Variants in NCOA7 observed in about 807,000 individuals in gnomAD.
The protein encoded by NCOA7 is 140 kDa estrogen receptor-associated protein.
In NCOA7, 45 loss-of-function variants were observed where a neutral mutation model predicts 104.3. That is an observed-to-expected ratio of 0.43 (90% confidence interval 0.34 to 0.55). The LOEUF (loss-of-function observed/expected upper bound fraction) is 0.55, where lower values mean the gene tolerates loss of function less well. NCOA7 is among the 20% of genes least tolerant of loss of function. The pLI, the probability that NCOA7 is intolerant of heterozygous loss-of-function variation, is 0.02. For missense variants in NCOA7, 1,041 were observed against 1,119.7 expected, an observed-to-expected ratio of 0.93 and a Z score of 1.00; for synonymous variants, 398 against 402.3, an observed-to-expected ratio of 0.99 and a Z score of 0.13.
intron 13 of NCOA7, among the ~76,000 whole-genome samples, chr6:125,925,834 A>G (rs934726915): frequency 6.6e-6 from 1 of 152,188 alleles, no homozygotes; most frequent in African/African-American, 2.4e-5. Flanking sequence ...ACATTTTTAT[A>G]TGGTATAGGC....
chr6:125,801,670 G>A (rs1775898975), intron 1 of NCOA7, among the ~76,000 whole-genome samples: 1 of 152,138 alleles, frequency 6.6e-6, no homozygotes, highest in Admixed American at 6.5e-5. Context: ...CTGTTGGTTT[G>A]CTGGACCTTG....
At chr6:125,892,369 CT>C (rs2128661605) in intron 10 of NCOA7, among the ~76,000 whole-genome samples, 1 of 152,232 alleles carries the variant, frequency 6.6e-6, no homozygotes, top group South Asian at 2.1e-4. Context: ...TAGTACTTCT[CT>C]TTCACTTCTT....
At chr6:125,906,291 A>T (rs1004568552) in intron 10 of NCOA7, among the ~76,000 whole-genome samples, 7 of 152,182 alleles carry the variant, frequency 4.6e-5, no homozygotes, top group African/African-American at 1.7e-4. Flanking sequence ...GAACAGTACA[A>T]TAGAGAATCT....
In NCOA7 at chr6:125,882,563, T is replaced by C. The variant is rs955085838; in HGVS notation, c.699+12T>C. 3.7e-6 allele frequency: 6 copies of C among 1,607,122 alleles called. No homozygotes were observed. The highest frequency in any genetic ancestry group is 5.1e-6 in the Non-Finnish European group (6 of 1,176,984). On this transcript the variant is annotated intron_variant, in intron 7 of 15. Transcript: ENST00000392477. ...TCACCGATGGAAAGGTATATAGCAATGTAATTTGTTTCCTTTCCTTGAAAT... is the reference window on the plus strand; with the variant it reads ...TCACCGATGGAAAGGTATATAGCAACGTAATTTGTTTCCTTTCCTTGAAAT...
intron 1 of NCOA7, among the ~76,000 whole-genome samples, chr6:125,799,090 C>A (rs1157646106): frequency 6.6e-6 from 1 of 152,032 alleles, no homozygotes; most frequent in Non-Finnish European, 1.5e-5. Flanking sequence ...AAGTTTAATC[C>A]CAAGAATGTG....
intron 10 of NCOA7, 47 bp from the exon 11 acceptor site, chr6:125,915,286 A>G: frequency 6.2e-7 from 1 of 1,607,202 alleles, no homozygotes; most frequent in Non-Finnish European, 8.5e-7. Flanking sequence ...AGCACCTGCC[A>G]AGAAAGTGGA....
Position 125,928,970 on chromosome 6 carries a change from C to T in NCOA7, c.*199C>T. 1 of 497,986 alleles carries T rather than the reference C, an allele frequency of 2.0e-6. No homozygotes were observed. The highest frequency in any genetic ancestry group is 2.0e-5 in the African/African-American group (1 of 50,364). The allele number at this position is 497,986 out of a possible 1,614,324, so 30.8% of individuals were successfully genotyped here. A position where few individuals can be genotyped will look rare whatever the true frequency, so the allele number is the denominator to read the frequency against. ...AGAGGGCAGACATTGAAGAAAGAAA[C>T]TTAAAATCCAGGTTGTTGAAAAGAC... On this transcript the variant is annotated 3_prime_UTR_variant, in exon 16 of 16. Coordinates refer to ENST00000392477, the MANE Select transcript of NCOA7 (RefSeq NM_181782.5).
chr6:125,781,513 A>G (rs1287438989), intron 1 of NCOA7: 2 of 152,188 alleles, frequency 1.3e-5, no homozygotes, highest in Non-Finnish European at 2.9e-5. Context: ...TAAGATAGAA[A>G]AATCATCAGA....
intron 3 of NCOA7, among the ~76,000 whole-genome samples, chr6:125,869,881 T>C (rs1203624294): frequency 4.6e-5 from 7 of 152,256 alleles, no homozygotes; most frequent in Non-Finnish European, 2.9e-5. Flanking sequence ...GCCAGACTTC[T>C]AATCTATGGA....
chr6:125,842,444 C>T (rs538749648), intron 2 of NCOA7, among the ~76,000 whole-genome samples: 2 of 152,250 alleles, frequency 1.3e-5, no homozygotes, highest in South Asian at 4.1e-4. Flanking sequence ...ATATATGTGT[C>T]ACGAAAATAT....
intron 10 of NCOA7, among the ~76,000 whole-genome samples, chr6:125,909,748 T>G (rs1227626504): frequency 4.0e-5 from 6 of 151,864 alleles, no homozygotes; most frequent in Non-Finnish European, 8.8e-5. Context: ...AGGCAGAGGT[T>G]GCAGTGAGCC....
chr6:125,885,487 A>G, intron 8 of NCOA7, 144 bp downstream of exon 8: 1 of 647,848 alleles, frequency 1.5e-6, no homozygotes, highest in South Asian at 2.9e-5. Flanking sequence ...AAAATGAGAA[A>G]AATGAGAAGA....
At position 125,889,536 on chromosome 6, in the gene NCOA7, A is replaced by G; in HGVS notation, c.1482A>G (p.Pro494=). ...CCTGTGAGAAGCAAGATATAATGCC[A>G]GAAGTGGACAAGCAGTCTGGTTCGC... is the stretch of plus-strand genomic sequence containing the variant. The part of the protein sequence containing the change: ...LETCEKQDIM[P]EVDKQSGSPE... The change falls in exon 9 of 16, where the codon CCA becomes CCG. Residue 494 remains proline (P), a synonymous_variant. Coordinates refer to ENST00000392477, the MANE Select transcript of NCOA7 (RefSeq NM_181782.5). 2 of 1,614,104 alleles carry G rather than the reference A, an allele frequency of 1.2e-6. No individual in the cohort carries two copies. Among genetic ancestry groups the G allele is most frequent in the Non-Finnish European group, 8.5e-7 (1 of 1,179,966 alleles).
At chr6:125,846,516 A>T (rs969310594) in intron 2 of NCOA7, among the ~76,000 whole-genome samples, 2 of 152,250 alleles carry the variant, frequency 1.3e-5, no homozygotes, top group Admixed American at 6.5e-5. Context: ...CATATTTCCA[A>T]TGCAGGTTGC....
In NCOA7 at chr6:125,906,467, T is replaced by C. The variant is rs1043308620; in HGVS notation, c.2097-8866T>C. On this transcript the variant is annotated intron_variant, in intron 10 of 15. Coordinates refer to ENST00000392477, the MANE Select transcript of NCOA7 (RefSeq NM_181782.5). ...ATTAGCTGCCTTTGTAGTGGACCCA[T>C]TAAGCCCAAATAAGCAAACCTAGCT... 5.9e-5 allele frequency among the ~76,000 whole-genome samples: 9 copies of C among 152,088 alleles called. No homozygotes were observed. The East Asian group carries it at 1.7e-3, about 29-fold the overall frequency.
intron 8 of NCOA7, among the ~76,000 whole-genome samples, chr6:125,887,354 T>G (rs2048679029): frequency 6.6e-6 from 1 of 152,190 alleles, no homozygotes; most frequent in East Asian, 1.9e-4. Context: ...CTAACTTGTT[T>G]GACTCTAGGA....
intron 10 of NCOA7, among the ~76,000 whole-genome samples, chr6:125,907,071 C>T (rs1786077575): frequency 6.6e-6 from 1 of 152,202 alleles, no homozygotes; most frequent in Admixed American, 6.5e-5. Flanking sequence ...ATCTTAATAT[C>T]CTCTTGTGGG....
At chr6:125,912,801 C>A (rs1395698164) in intron 10 of NCOA7, among the ~76,000 whole-genome samples, 1 of 152,076 alleles carries the variant, frequency 6.6e-6, no homozygotes. Flanking sequence ...TTTTTCCCAA[C>A]AAATAATAAT....
At chr6:125,892,127 T>C (rs1296131276) in intron 10 of NCOA7, among the ~76,000 whole-genome samples, 2 of 152,212 alleles carry the variant, frequency 1.3e-5, no homozygotes, top group Admixed American at 6.5e-5. Flanking sequence ...TTCAGTTACA[T>C]TGTGGGTTGT....
Sources: allele counts gnomAD v4.1 joint callset (sites outside exome capture counted in the v4.1 genomes callset), GRCh38; gene constraint gnomAD v4.1.1; transcripts MANE v1.5; gene names NCBI Gene and HGNC (gene_info 2026-07-23, HGNC 2026-07-21).